WARS1: variants seen among roughly 807,000 people sequenced by gnomAD.
WARS1 encodes tryptophanyl-tRNA synthetase 1, also known as tryptophan--tRNA ligase, cytoplasmic.
WARS1 carries 17 observed loss-of-function variants against 47.8 expected under a neutral mutation model. The ratio of observed to expected loss-of-function variants is 0.36; its 90% CI spans 0.24 to 0.53. The LOEUF (loss-of-function observed/expected upper bound fraction) is 0.53, where lower values mean the gene tolerates loss of function less well. WARS1 is among the 20% of genes least tolerant of loss of function. The pLI is 0.91. For missense variants in WARS1, 434 were observed against 608.0 expected (o/e 0.71, Z 3.01); for synonymous variants, 208 against 228.1 (o/e 0.91, Z 0.79).
In WARS1 at chr14:100,334,938, C is replaced by A. The variant is rs1434881903; in HGVS notation, c.1353G>T (p.Glu451Asp). ...LIAEHQARRK[E>D]VTDEIVKEFM... ...ACTCTTTCACTATCTCATCCGTGACCTCCTTGCGCCGGGCCTGGTGCTCTG... is the reference window on the plus strand; with the variant it reads ...ACTCTTTCACTATCTCATCCGTGACATCCTTGCGCCGGGCCTGGTGCTCTG... The change falls in exon 11 of 11, where the codon GAG becomes GAT. Residue 451 changes from glutamate to aspartate, a missense_variant. This residue lies in a region of WARS1 where 347 missense variants were observed against 523.8 expected (regional missense o/e 0.66). Coordinates refer to ENST00000392882, the MANE Select transcript of WARS1 (RefSeq NM_004184.4). 6.2e-7 allele frequency: 1 copy of A among 1,614,212 alleles called. No individual in the cohort carries two copies. The highest frequency in any genetic ancestry group is 2.2e-5 in the East Asian group (1 of 44,880).
chr14:100,371,447 C>CAAAAAAAAAAAAAAGAAAAAAAAA (rs1896341348), intron 1 of WARS1, among the ~76,000 whole-genome samples: 1 of 89,102 alleles, frequency 1.1e-5, no homozygotes, highest in Non-Finnish European at 2.9e-5. Flanking sequence ...GGTTCTGTCT[C>CAAAAAAAAAAAAAAGAAAAAAAAA]AAAAAAAAAA....
chr14:100,373,796 C>A lies in WARS1; in HGVS notation c.-74+1487G>T, dbSNP rs191808264. Among the ~76,000 whole-genome samples, 201 of 150,566 alleles carry A rather than the reference C, an allele frequency of 1.3e-3. No homozygotes were observed. In the Middle Eastern group the frequency reaches 0.02, roughly 15 times the overall value. ...TCATGATCACAAGGCATATACTTTG[C>A]GTGGGAATCATCCACACTATTGAAA... is the stretch of plus-strand genomic sequence containing the variant. On this transcript the variant is annotated intron_variant, in intron 1 of 10. Coordinates refer to ENST00000392882, the MANE Select transcript of WARS1 (RefSeq NM_004184.4). The surrounding 1 kb of genome is among the most constrained non-coding windows in gnomAD (Gnocchi z 4.4).
chr14:100,355,536 T>G (rs1895257161), intron 4 of WARS1, among the ~76,000 whole-genome samples: 1 of 152,078 alleles, frequency 6.6e-6, no homozygotes, highest in Non-Finnish European at 1.5e-5. Flanking sequence ...TTTGTATTTT[T>G]AAAAAGCTCC....
At chr14:100,347,103 C>A (rs986339027) in intron 6 of WARS1, among the ~76,000 whole-genome samples, 1 of 152,214 alleles carries the variant, frequency 6.6e-6, no homozygotes, top group Non-Finnish European at 1.5e-5. Flanking sequence ...CGACGTGAAG[C>A]AGACATACAA....
chr14:100,344,481 T>C (rs993501925), intron 7 of WARS1, among the ~76,000 whole-genome samples: 3 of 152,216 alleles, frequency 2.0e-5, no homozygotes, highest in South Asian at 2.1e-4. Context: ...AGTGCCGAGA[T>C]TGCAGCCTCT....
chr14:100,375,661 T>C (rs1896615524), upstream of WARS1: 1 of 152,168 alleles, frequency 6.6e-6, no homozygotes. Context: ...CCCACCCTCT[T>C]CCCGTTCCCC....
rs1893587584 is a variant in WARS1, at chr14:100,334,686, C to T, written c.*189G>A. The T allele has an allele frequency of 5.0e-6, 3 of 601,260 alleles. No homozygotes were observed. The highest frequency in any genetic ancestry group is 5.6e-6 in the Non-Finnish European group (2 of 359,542). The allele number at this position is 601,260 out of a possible 1,614,324, so 37.2% of individuals were successfully genotyped here. On this transcript the variant is annotated 3_prime_UTR_variant, in exon 11 of 11. Transcript: ENST00000392882. ...AGCACCAATTACCCACAATGCTTTG[C>T]CCATAAGAGATAGAAATAATGGAAC...
chr14:100,347,643 C>T (rs1894715135), intron 6 of WARS1, among the ~76,000 whole-genome samples: 1 of 151,586 alleles, frequency 6.6e-6, no homozygotes, highest in African/African-American at 2.4e-5. Flanking sequence ...GTGGCATGAT[C>T]TTGGCTCACT....
At chr14:100,355,060 G>A (rs1387640617) in intron 4 of WARS1, among the ~76,000 whole-genome samples, 1 of 152,014 alleles carries the variant, frequency 6.6e-6, no homozygotes, top group African/African-American at 2.4e-5. Context: ...GATCTATCTG[G>A]GCCCCTCAGC....
At chr14:100,336,914 C>T (rs955625973) in intron 10 of WARS1, 148 bp downstream of exon 10, 3 of 1,110,106 alleles carry the variant, frequency 2.7e-6, no homozygotes, top group Middle Eastern at 5.9e-4. Flanking sequence ...GCCTAAAAAC[C>T]ATGAGGGCGA....
chr14:100,344,365 G>A (rs1217688789), intron 7 of WARS1, among the ~76,000 whole-genome samples: 2 of 152,308 alleles, frequency 1.3e-5, no homozygotes, highest in East Asian at 1.9e-4. Context: ...GATTGCAGAC[G>A]GAGTCTGGTT....
At chr14:100,368,646 G>A (rs1309141603) in intron 2 of WARS1, among the ~76,000 whole-genome samples, 3 of 152,160 alleles carry the variant, frequency 2.0e-5, no homozygotes, top group Non-Finnish European at 4.4e-5. Context: ...TCCCAATGTT[G>A]ATAAAGGAAA....
chr14:100,368,116 C>T (rs995300459), intron 2 of WARS1, among the ~76,000 whole-genome samples: 13 of 152,202 alleles, frequency 8.5e-5, no homozygotes, highest in African/African-American at 3.1e-4. Flanking sequence ...TGGGAGAGAT[C>T]GCCTCAAGAA....
At chr14:100,369,621 A>G (rs1256679356) in intron 1 of WARS1, among the ~76,000 whole-genome samples, 2 of 151,696 alleles carry the variant, frequency 1.3e-5, no homozygotes, top group Non-Finnish European at 2.9e-5. Context: ...GGGTATAAAT[A>G]CCAATGTGTT....
intron 4 of WARS1, among the ~76,000 whole-genome samples, chr14:100,359,401 A>G (rs961962177): frequency 1.3e-5 from 2 of 152,276 alleles, no homozygotes; most frequent in African/African-American, 4.8e-5. Context: ...TATGCCAAGT[A>G]AAAGAAGCCA....
chr14:100,355,850 C>G (rs1595439765), intron 4 of WARS1, among the ~76,000 whole-genome samples: 1 of 152,180 alleles, frequency 6.6e-6, no homozygotes, highest in Admixed American at 6.5e-5. Context: ...GAAAATAACC[C>G]ATAATTTTGG....
At chr14:100,363,586 C>A (rs1441516089) in intron 2 of WARS1, among the ~76,000 whole-genome samples, 1 of 152,028 alleles carries the variant, frequency 6.6e-6, no homozygotes, top group Non-Finnish European at 1.5e-5. Context: ...GTTCCTAGCT[C>A]ATCGGGAGGC....
Position 100,342,257 on chromosome 14 carries a change from T to C in WARS1, c.1113+141A>G, listed in dbSNP as rs768069027. On this transcript the variant is annotated intron_variant, in intron 9 of 10. Transcript: ENST00000392882. ...GCCTTGAGTTCTGCAGGGAGCAAAG[T>C]TGGCAATCCTGGAGTTCAGCATTGC... 8.8e-5 allele frequency: 104 copies of C among 1,186,050 alleles called. No homozygotes were observed. In the African/African-American group the frequency reaches 1.3e-3, roughly 15 times the overall value. The allele number at this position is 1,186,050 out of a possible 1,614,324, so 73.5% of individuals were successfully genotyped here. A position where few individuals can be genotyped will look rare whatever the true frequency, so the allele number is the denominator to read the frequency against.
At chr14:100,372,141 G>A (rs1437661678) in intron 1 of WARS1, among the ~76,000 whole-genome samples, 1 of 151,722 alleles carries the variant, frequency 6.6e-6, no homozygotes, top group Non-Finnish European at 1.5e-5. Context: ...CTATAAAACG[G>A]CCCCACTCCT....
Sources: allele counts gnomAD v4.1 joint callset (sites outside exome capture counted in the v4.1 genomes callset), GRCh38; gene constraint gnomAD v4.1.1; regional missense constraint gnomAD v4.1.1; non-coding constraint Gnocchi (gnomAD v3.1); transcripts MANE v1.5; gene names NCBI Gene and HGNC (gene_info 2026-07-23, HGNC 2026-07-21).